MMP20: variants seen among roughly 807,000 people sequenced by gnomAD.
MMP20 encodes matrix metallopeptidase 20.
MMP20 carries 50 observed loss-of-function variants against 51.8 expected under a neutral mutation model. The observed-to-expected ratio is 0.97, with a 90% confidence interval of 0.77 to 1.22. The LOEUF (loss-of-function observed/expected upper bound fraction) is 1.22, where lower values mean the gene tolerates loss of function less well. Ranked by LOEUF, MMP20 falls within the 50% of genes most tolerant of loss-of-function variation. The pLI is 0.00. For missense variants in MMP20, 663 were observed against 601.4 expected (o/e 1.10, Z -1.07); for synonymous variants, 244 against 216.2 (o/e 1.13, Z -1.13).
At chr11:102,595,202 C>T (rs1859367508) in intron 6 of MMP20, among the ~76,000 whole-genome samples, 1 of 152,130 alleles carries the variant, frequency 6.6e-6, no homozygotes, top group African/African-American at 2.4e-5. Flanking sequence ...GCTGGGATTA[C>T]AGACATGAAT....
chr11:102,586,989 C>T (rs1266831267), intron 8 of MMP20, among the ~76,000 whole-genome samples: 1 of 151,740 alleles, frequency 6.6e-6, no homozygotes, highest in East Asian at 1.9e-4. Context: ...TTTCTTCTTG[C>T]TTTAGGTTTA....
At chr11:102,594,824 G>T (rs1324801896) in intron 6 of MMP20, 67 bp from the exon 7 acceptor site, 24 of 1,569,554 alleles carry the variant, frequency 1.5e-5, no homozygotes, top group Non-Finnish European at 1.0e-5. Flanking sequence ...ATATAAAATT[G>T]CACTTTGACT....
intron 8 of MMP20, among the ~76,000 whole-genome samples, chr11:102,585,944 C>T (rs1407816944): frequency 6.6e-6 from 1 of 152,138 alleles, no homozygotes; most frequent in African/African-American, 2.4e-5. Context: ...ATTCCTGGGA[C>T]AAATCCTACT....
rs753337174 is a variant in MMP20 at position 102,586,058 on chromosome 11, T to G, written c.1248-6916A>C. Among the ~76,000 whole-genome samples, 6 of 152,166 alleles carry G rather than the reference T, an allele frequency of 3.9e-5. No homozygotes were observed. The South Asian group carries it at 8.3e-4, about 21-fold the overall frequency. On this transcript the variant is annotated intron_variant, in intron 8 of 9. Transcript: ENST00000260228. ...TCACAATAGATACTGGTCTGAAGCTTTATTTTTTTGTCATGTTTCTGTGTG... is the reference window on the plus strand; with the variant it reads ...TCACAATAGATACTGGTCTGAAGCTGTATTTTTTTGTCATGTTTCTGTGTG...
At chr11:102,581,081 G>A (rs752708214) in intron 8 of MMP20, among the ~76,000 whole-genome samples, 2 of 152,046 alleles carry the variant, frequency 1.3e-5, no homozygotes, top group Admixed American at 6.6e-5. Flanking sequence ...TCAGGAAAAC[G>A]TACTTTGAGC....
At position 102,625,280 on chromosome 11, in the gene MMP20, T is replaced by G; in HGVS notation, c.40A>C (p.Ile14Leu). 1.2e-6 allele frequency: 2 copies of G among 1,613,738 alleles called. No individual in the cohort carries two copies. Among genetic ancestry groups the G allele is most frequent in the South Asian group, 1.1e-5 (1 of 91,064 alleles). Residue 14 changes from isoleucine to leucine, a missense_variant, in exon 1 of 10, where the codon ATC becomes CTC. Transcript: ENST00000260228. ...LPASGLAVFLIMALKFSTAAP... is the reference protein window; with the variant it reads ...LPASGLAVFLLMALKFSTAAP... ...GCAGTGGAAAACTTCAAAGCCATGA[T>G]GAGGAAGACAGCAAGGCCAGATGCA... is the stretch of plus-strand genomic sequence containing the variant.
intron 6 of MMP20, among the ~76,000 whole-genome samples, chr11:102,598,736 T>A (rs1349305004): frequency 1.3e-5 from 2 of 152,208 alleles, no homozygotes; most frequent in Non-Finnish European, 2.9e-5. Flanking sequence ...GGGCTTAGCA[T>A]GCTGCCTGGT....
intron 1 of MMP20, among the ~76,000 whole-genome samples, chr11:102,623,429 T>C (rs2464352): frequency 0.75 from 113,037 of 151,478 alleles, 42,400 homozygotes; most frequent in East Asian, 0.92. Flanking sequence ...GTGAACTGCA[T>C]GTGTGAGGGA....
At chr11:102,613,003 C>T (rs547721464) in intron 2 of MMP20, among the ~76,000 whole-genome samples, 3 of 152,248 alleles carry the variant, frequency 2.0e-5, no homozygotes, top group South Asian at 2.1e-4. Context: ...TCCCAAAGTG[C>T]TCGGATTACA....
At chr11:102,596,777 G>T (rs763540023) in intron 6 of MMP20, among the ~76,000 whole-genome samples, 1 of 152,192 alleles carries the variant, frequency 6.6e-6, no homozygotes, top group South Asian at 2.1e-4. Flanking sequence ...GCTCAGTCTC[G>T]TGACCTCTGG....
intron 7 of MMP20, 22 bp from the exon 8 acceptor site, chr11:102,593,617 T>C: frequency 6.2e-7 from 1 of 1,613,770 alleles, no homozygotes. Flanking sequence ...AATTAAAGTT[T>C]ACGAAAACTC....
At chr11:102,590,557 A>G (rs1011183645) in intron 8 of MMP20, among the ~76,000 whole-genome samples, 7 of 152,070 alleles carry the variant, frequency 4.6e-5, no homozygotes, top group African/African-American at 1.4e-4. Context: ...CTGGGTCCAA[A>G]CTCTGGGAGT....
chr11:102,579,122 T>C lies in MMP20; in HGVS notation c.1268A>G (p.Lys423Arg). The C allele has an allele frequency of 6.2e-7, 1 of 1,612,814 alleles. No individual in the cohort carries two copies. The highest frequency in any genetic ancestry group is 8.5e-7 in the Non-Finnish European group (1 of 1,178,914). The change falls in exon 9 of 10, where the codon AAA becomes AGA. Residue 423 changes from lysine (K) to arginine (R), a missense_variant. Coordinates refer to ENST00000260228, the MANE Select transcript of MMP20 (RefSeq NM_004771.4). ...ATTCTTTGGATAGTCTTTTTCCATT[T>C]TCCTTTTCCTTTCGTCGTAGCTAGA... Reference protein sequence around the residue: ...EYYSYDERKRKMEKDYPKNTE... With the variant: ...EYYSYDERKRRMEKDYPKNTE...
rs532633637 is a variant in MMP20 at position 102,602,437 on chromosome 11, T to C, written c.953+4098A>G. ...GATAGTCTATGAACATCCTCCTCTT[T>C]GTGGCTGGTTGCCCCACTTGCAAGC... On this transcript the variant is annotated intron_variant, in intron 6 of 9. Transcript: ENST00000260228. 2.4e-3 allele frequency among the ~76,000 whole-genome samples: 372 copies of C among 152,256 alleles called. 2 individuals are homozygous for C. Among genetic ancestry groups the C allele is most frequent in the Middle Eastern group, 6.8e-3 (2 of 294 alleles).
intron 6 of MMP20, among the ~76,000 whole-genome samples, chr11:102,597,979 C>T (rs1353617168): frequency 8.8e-6 from 1 of 113,518 alleles, no homozygotes; most frequent in Admixed American, 8.8e-5. Context: ...GTTGGTCAGG[C>T]TGGTCTCGAA....
intron 2 of MMP20, among the ~76,000 whole-genome samples, chr11:102,615,002 G>T (rs1383523607): frequency 6.7e-6 from 1 of 149,246 alleles, no homozygotes; most frequent in East Asian, 1.9e-4. Flanking sequence ...TGAAATAAGA[G>T]GCAATATGTT....
At chr11:102,605,527 C>T (rs1254590297) in intron 6 of MMP20, 1 of 151,850 alleles carries the variant, frequency 6.6e-6, no homozygotes, top group Non-Finnish European at 1.5e-5. Context: ...GTCTGCTCCT[C>T]AGGGAACTCT....
chr11:102,593,677 T>C, intron 7 of MMP20, 82 bp from the exon 8 acceptor site: 1 of 1,455,794 alleles, frequency 6.9e-7, no homozygotes, highest in Non-Finnish European at 9.6e-7. Context: ...ATGAAGGCTC[T>C]TAAATGGGGT....
intron 1 of MMP20, among the ~76,000 whole-genome samples, chr11:102,617,512 C>T (rs1859690017): frequency 6.6e-6 from 1 of 152,202 alleles, no homozygotes; most frequent in Non-Finnish European, 1.5e-5. Context: ...TTCCATTGTA[C>T]ATAATGCAAG....
Sources: gnomAD v4.1 joint callset for allele counts (sites outside exome capture counted in the v4.1 genomes callset) on GRCh38, gnomAD v4.1.1 for gene constraint, MANE v1.5 for transcripts, NCBI Gene and HGNC (gene_info 2026-07-23, HGNC 2026-07-21) for gene names.